Variants in PAX6 observed in about 807,000 individuals in gnomAD.
PAX6 encodes paired box protein Pax-6.
Under a neutral mutation model 60.7 loss-of-function variants are expected in PAX6, and 7 were observed. The ratio of observed to expected loss-of-function variants is 0.12; its 90% confidence interval spans 0.07 to 0.22. PAX6 has a LOEUF of 0.22. PAX6 is among the 10% of genes least tolerant of loss of function. The probability of loss-of-function intolerance (pLI) is 1.00; values close to 1 mark genes in which losing one functional copy is unlikely to be tolerated. For synonymous variants in PAX6, 208 were observed against 201.2 expected (o/e 1.03, Z -0.29); for missense variants, 355 against 555.2 (o/e 0.64, Z 3.62).
intron 8 of PAX6, among the ~76,000 whole-genome samples, chr11:31,799,358 T>C (rs1350630432): frequency 6.6e-6 from 1 of 152,072 alleles, no homozygotes; most frequent in Non-Finnish European, 1.5e-5. Context: ...GCGGCCGCGC[T>C]GGGAAACAAG....
At chr11:31,795,389 G>A (rs548514582) in intron 8 of PAX6, among the ~76,000 whole-genome samples, 83 of 152,262 alleles carry the variant, frequency 5.5e-4, no homozygotes, top group Non-Finnish European at 1.0e-3. Flanking sequence ...GTATGAGTGC[G>A]CTTCGCCTTG....
At chr11:31,790,947 C>A (rs780917217) in intron 12 of PAX6, 87 bp from the exon 13 acceptor site, 60 of 1,394,598 alleles carry the variant, frequency 4.3e-5, no homozygotes, top group Non-Finnish European at 5.8e-5. Context: ...GGAACTCTGC[C>A]AACAAGTCTG....
Position 31,789,656 on chromosome 11 carries a change from C to T in PAX6, c.*278G>A, listed in dbSNP as rs1350588644. On this transcript the variant is annotated 3_prime_UTR_variant, in exon 14 of 14. Transcript: ENST00000640368. ...TACATTGTTCTTTTTTTCATTATAA[C>T]ATACAAATGCCCATTTACAAATAAT... 2.9e-6 allele frequency: 2 copies of T among 698,982 alleles called. No homozygotes were observed. Among genetic ancestry groups the T allele is most frequent in the East Asian group, 5.4e-5 (2 of 37,214 alleles). 43.3% of individuals were successfully genotyped at this position (698,982 alleles called of 1,614,324 possible).
At chr11:31,807,532 A>G (rs1184838511) in intron 2 of PAX6, 2 of 152,296 alleles carry the variant, frequency 1.3e-5, no homozygotes, top group Non-Finnish European at 2.9e-5. Flanking sequence ...GAAAGGGGCA[A>G]GCCCAACTTT....
upstream of PAX6, chr11:31,813,168 G>C (rs1431598799): frequency 6.6e-6 from 1 of 152,136 alleles, no homozygotes; most frequent in Non-Finnish European, 1.5e-5. Flanking sequence ...GGTGAAGGAG[G>C]TGGCGCCGGG....
upstream of PAX6, chr11:31,814,298 A>G (rs1957270324): frequency 6.6e-6 from 1 of 152,160 alleles, no homozygotes; most frequent in Admixed American, 6.5e-5. Context: ...TCTAGCCAGT[A>G]TTGATGCGTC....
upstream of PAX6, chr11:31,811,895 A>T (rs1957071523): frequency 6.6e-6 from 1 of 152,342 alleles, no homozygotes; most frequent in African/African-American, 2.4e-5. Flanking sequence ...GGCGAAGCCT[A>T]GGCCGAGAGG....
intron 5 of PAX6, chr11:31,802,436 A>G: frequency 2.2e-6 from 1 of 464,988 alleles, no homozygotes; most frequent in South Asian, 3.4e-5. Flanking sequence ...AAAAAGAGAA[A>G]GATTTTTTTA....
chr11:31,802,589 G>C (rs1222250166), intron 5 of PAX6, 115 bp downstream of exon 5: 3 of 1,142,186 alleles, frequency 2.6e-6, no homozygotes, highest in Admixed American at 2.3e-5. Context: ...GGGGACTGGG[G>C]TGGGTGAGGG....
At position 31,806,452 on chromosome 11, in the gene PAX6, A is replaced by C; in HGVS notation, c.-41T>G. On this transcript the variant is annotated 5_prime_UTR_variant, in exon 4 of 14. In the 5' UTR this introduces an upstream ATG that the reference lacks. Coordinates refer to ENST00000640368, the MANE Select transcript of PAX6 (RefSeq NM_001368894.2). ...GGGCCGCGGGATTCCACGGGGCTCG[A>C]ATATGGGGCTCTGTTAGCAAGAAAA... 1 of 1,602,998 alleles carries C rather than the reference A, an allele frequency of 6.2e-7. No individual in the cohort carries two copies. Among genetic ancestry groups the C allele is most frequent in the Non-Finnish European group, 8.5e-7 (1 of 1,174,830 alleles).
chr11:31,796,604 A>G (rs1176646097), intron 8 of PAX6, among the ~76,000 whole-genome samples: 87 of 68,028 alleles, frequency 1.3e-3, no homozygotes, highest in Non-Finnish European at 1.9e-3. Flanking sequence ...TGGGGGTGGA[A>G]GCAAGGGGGA....
chr11:31,790,450 C>T, intron 13 of PAX6: 1 of 1,347,212 alleles, frequency 7.4e-7, no homozygotes, highest in Non-Finnish European at 9.6e-7. Flanking sequence ...AATCTGTCCT[C>T]AGAAAACTTG....
chr11:31,794,887 C>G, intron 8 of PAX6, 99 bp from the exon 9 acceptor site: 1 of 1,120,650 alleles, frequency 8.9e-7, no homozygotes, highest in Non-Finnish European at 1.3e-6. Context: ...CATTATATCC[C>G]GACAGCCTCA....
At chr11:31,807,282 A>T (rs1956041166) in intron 2 of PAX6, 1 of 152,580 alleles carries the variant, frequency 6.6e-6, no homozygotes, top group Non-Finnish European at 1.5e-5. Context: ...GTGAGGGGAG[A>T]GGAATACCTG....
At chr11:31,805,779 T>G (rs1225394042) in intron 4 of PAX6, 2 of 152,878 alleles carry the variant, frequency 1.3e-5, no homozygotes, top group Non-Finnish European at 1.5e-5. Context: ...GCAGGGATTT[T>G]CCAATTCCTG....
chr11:31,793,344 G>T, intron 12 of PAX6, 94 bp downstream of exon 12: 2 of 1,020,472 alleles, frequency 2.0e-6, no homozygotes, highest in Non-Finnish European at 3.1e-6. Context: ...AAGCTCTCAA[G>T]GGTGCAGACA....
chr11:31,803,189 C>T, intron 4 of PAX6: 2 of 358,358 alleles, frequency 5.6e-6, no homozygotes, highest in Non-Finnish European at 1.1e-5. Flanking sequence ...TACACATGGA[C>T]CTCACTACAG....
intron 7 of PAX6, chr11:31,801,220 T>A: frequency 7.6e-7 from 1 of 1,309,176 alleles, no homozygotes; most frequent in Non-Finnish European, 9.9e-7. Flanking sequence ...TGGAAATGGA[T>A]GTGTGACACC....
chr11:31,790,753 G>A lies in PAX6; in HGVS notation c.1182C>T (p.His394=), dbSNP rs1414358223. 3 of 1,614,136 alleles carry A rather than the reference G, an allele frequency of 1.9e-6. No individual in the cohort carries two copies. The highest frequency in any genetic ancestry group is 1.7e-5 in the Admixed American group (1 of 60,028). The change falls in exon 13 of 14, where the codon CAC becomes CAT. Residue 394 remains histidine (H), a synonymous_variant. Coordinates refer to ENST00000640368, the MANE Select transcript of PAX6 (RefSeq NM_001368894.2). ...DTYTPPHMQT[H]MNSQPMGTSG... ...AGGTGCCCATTGGCTGACTGTTCAT[G>A]TGTGTCTGCATATGTGGGGGGGTGT...
Sources: allele counts gnomAD v4.1 joint callset (sites outside exome capture counted in the v4.1 genomes callset), GRCh38; gene constraint gnomAD v4.1.1; transcripts MANE v1.5; gene names NCBI Gene and HGNC (gene_info 2026-07-23, HGNC 2026-07-21).